DIS3L2: variants seen among roughly 807,000 people sequenced by gnomAD.
DIS3L2 encodes the protein DIS3-like exonuclease 2.
In DIS3L2, 34 loss-of-function variants were observed where a neutral mutation model predicts 97.5. The ratio of observed to expected loss-of-function variants is 0.35; its 90% CI spans 0.27 to 0.46. The LOEUF is 0.46. DIS3L2 is among the 20% of genes least tolerant of loss of function. The probability of loss-of-function intolerance (pLI) is 1.00; values close to 1 mark genes in which losing one functional copy is unlikely to be tolerated. For missense variants in DIS3L2, 1,038 were observed against 1,146.0 expected, an observed-to-expected ratio of 0.91 and a Z score of 1.36; for synonymous variants, 435 against 445.2, an observed-to-expected ratio of 0.98 and a Z score of 0.29.
Position 232,163,511 on chromosome 2 carries a change from G to A in DIS3L2, c.1003G>A (p.Gly335Arg), listed in dbSNP as rs1690715577. 1.2e-6 allele frequency: 2 copies of A among 1,614,124 alleles called. No individual in the cohort carries two copies. The highest frequency in any genetic ancestry group is 1.7e-6 in the Non-Finnish European group (2 of 1,179,996). Residue 335 changes from glycine (G) to arginine (R), a missense_variant, in exon 9 of 21, where the codon GGA (glycine) becomes AGA (arginine). Gly to Arg is a moderately radical substitution (Grantham distance 125, BLOSUM62 -2). This residue lies in a region of DIS3L2 where 813 missense variants were observed against 880.1 expected (regional missense o/e 0.92). Transcript: ENST00000325385. ...QAGEIEPETE[G>R]ILTEYGVDFS... ...TGGTGAAATTGAGCCTGAAACAGAA[G>A]GAATACTAACAGAGTATGGCGTGGA...
At chr2:232,176,732 G>T (rs952536876) in intron 9 of DIS3L2, among the ~76,000 whole-genome samples, 1 of 149,234 alleles carries the variant, frequency 6.7e-6, no homozygotes, top group Non-Finnish European at 1.5e-5. Flanking sequence ...GGGACCACAG[G>T]CATGTGCCAC....
At chr2:232,308,818 G>A (rs1695048978) in intron 14 of DIS3L2, among the ~76,000 whole-genome samples, 1 of 152,144 alleles carries the variant, frequency 6.6e-6, no homozygotes, top group Non-Finnish European at 1.5e-5. Flanking sequence ...GCATCCCCCG[G>A]GGTCTCAGAA....
At chr2:232,018,518 G>A (rs1280889198) in intron 3 of DIS3L2, among the ~76,000 whole-genome samples, 1 of 152,204 alleles carries the variant, frequency 6.6e-6, no homozygotes, top group Non-Finnish European at 1.5e-5. Flanking sequence ...AACTTTATGT[G>A]TGCAAGCCTT....
chr2:232,149,216 T>A (rs34675655), intron 8 of DIS3L2, among the ~76,000 whole-genome samples: 1 of 147,634 alleles, frequency 6.8e-6, no homozygotes, highest in Non-Finnish European at 1.5e-5. Flanking sequence ...TTTTATTATA[T>A]TCTAAGTTTT....
chr2:232,221,101 CAAAAAA>C (rs373784144), intron 10 of DIS3L2, among the ~76,000 whole-genome samples: 2 of 97,602 alleles, frequency 2.0e-5, no homozygotes, highest in Admixed American at 1.2e-4. Flanking sequence ...GACTTCATCT[CAAAAAA>C]AAAAAAAAAA....
chr2:232,044,715 T>C (rs1695193014), intron 5 of DIS3L2, among the ~76,000 whole-genome samples: 1 of 152,126 alleles, frequency 6.6e-6, no homozygotes, highest in African/African-American at 2.4e-5. Context: ...AGAAGACCTC[T>C]GAGGATAGAG....
Position 232,336,498 on chromosome 2 carries a change from G to A in DIS3L2, c.2526G>A (p.Val842=), listed in dbSNP as rs1453769990. The A allele has an allele frequency of 4.3e-6, 7 of 1,611,282 alleles. No homozygotes were observed. Among genetic ancestry groups the A allele is most frequent in the African/African-American group, 2.7e-5 (2 of 74,928 alleles). ...QVITIFSLVE[V]VLQAESTALK... ...TCACCATCTTCAGCCTGGTGGAGGT[G>A]GTCCTGCAGGCAGAGTCCACAGCCC... The change falls in exon 21 of 21, where the codon GTG becomes GTA. Residue 842 remains valine, a synonymous_variant. Transcript: ENST00000325385.
rs553818427 is a variant in DIS3L2 at position 232,079,556 on chromosome 2, C to T, written c.367-7931C>T. Reference sequence around the variant, plus strand: ...CGGAGCTTGCAGTGAGCCGAGATTGCGCCACTGCACTCCAGCCTGGGCGAC... The same window carrying T: ...CGGAGCTTGCAGTGAGCCGAGATTGTGCCACTGCACTCCAGCCTGGGCGAC... On this transcript the variant is annotated intron_variant, in intron 5 of 20. Transcript: ENST00000325385. 2.3e-4 allele frequency among the ~76,000 whole-genome samples: 32 copies of T among 140,010 alleles called. No homozygotes were observed. In the East Asian group the frequency reaches 3.4e-3, roughly 15 times the overall value. 91.9% of individuals were successfully genotyped at this position (140,010 alleles called of 152,430 possible).
Position 232,004,969 on chromosome 2 carries a change from A to G in DIS3L2, c.-93-9866A>G, listed in dbSNP as rs549519234. Among the ~76,000 whole-genome samples the G allele has an allele frequency of 2.0e-5, 3 of 152,044 alleles. No homozygotes were observed. In the South Asian group the frequency reaches 6.2e-4, roughly 31 times the overall value. Reference sequence around the variant, plus strand: ...TTTCAAGTGTCTTTTCCTTTACCTCAGTGAGCGTAGTTATCAGAGCTGATG... The same window carrying G: ...TTTCAAGTGTCTTTTCCTTTACCTCGGTGAGCGTAGTTATCAGAGCTGATG... On this transcript the variant is annotated intron_variant, in intron 1 of 20. Transcript: ENST00000325385.
At chr2:232,130,179 T>TTAAA (rs1385185614) in intron 6 of DIS3L2, among the ~76,000 whole-genome samples, 1 of 152,202 alleles carries the variant, frequency 6.6e-6, no homozygotes, top group African/African-American at 2.4e-5. Context: ...TTTTGTTTGT[T>TTAAA]ATGGCTGGTA....
intron 5 of DIS3L2, among the ~76,000 whole-genome samples, chr2:232,062,280 G>A (rs78017712): frequency 0.026 from 3,922 of 152,208 alleles, 158 homozygotes; most frequent in African/African-American, 0.087. Context: ...CTAGAAGCTC[G>A]AGGCTGGAAT....
intron 6 of DIS3L2, among the ~76,000 whole-genome samples, chr2:232,099,560 T>C (rs1285561817): frequency 6.6e-6 from 1 of 152,174 alleles, no homozygotes; most frequent in African/African-American, 2.4e-5. Flanking sequence ...TTTGATTTTT[T>C]TGTTAATTCA....
Position 232,334,763 on chromosome 2 carries a change from G to A in DIS3L2, c.2394+28G>A, listed in dbSNP as rs116284581. ...GAGTGCCCTGGGAGAGCCCGGGGGC[G>A]GGCAGGGCAGCCCAAGCCATCCCGC... is the stretch of plus-strand genomic sequence containing the variant. On this transcript the variant is annotated intron_variant, in intron 19 of 20. Transcript: ENST00000325385. 8.1e-3 allele frequency: 12,608 copies of A among 1,565,580 alleles called. 86 individuals are homozygous for A. The highest frequency in any genetic ancestry group is 0.019 in the South Asian group (1,658 of 85,372).
chr2:232,094,669 A>G (rs1371900142), intron 6 of DIS3L2, among the ~76,000 whole-genome samples: 1 of 150,206 alleles, frequency 6.7e-6, no homozygotes, highest in African/African-American at 2.5e-5. Flanking sequence ...CAGGGAGCCA[A>G]GACTGCGCCA....
At chr2:232,305,673 G>A (rs1313735281) in intron 14 of DIS3L2, among the ~76,000 whole-genome samples, 2 of 151,992 alleles carry the variant, frequency 1.3e-5, no homozygotes, top group African/African-American at 4.8e-5. Flanking sequence ...GATCATCTTA[G>A]GCTGTGCGCA....
At chr2:232,198,036 A>G (rs1415860660) in intron 9 of DIS3L2, among the ~76,000 whole-genome samples, 1 of 151,764 alleles carries the variant, frequency 6.6e-6, no homozygotes, top group Non-Finnish European at 1.5e-5. Context: ...TCATTGAAAT[A>G]GAACTTGGTC....
chr2:232,337,247 CTG>C, downstream of DIS3L2: 1 of 972,100 alleles, frequency 1.0e-6, no homozygotes, highest in Non-Finnish European at 1.2e-6. Flanking sequence ...ACGAATGTGA[CTG>C]TGTCCAACCC....
intron 16 of DIS3L2, among the ~76,000 whole-genome samples, chr2:232,332,927 G>A (rs1695786357): frequency 2.0e-5 from 3 of 152,084 alleles, no homozygotes; most frequent in Non-Finnish European, 4.4e-5. Flanking sequence ...TATTGCACAG[G>A]GCAGGGGATC....
intron 6 of DIS3L2, among the ~76,000 whole-genome samples, chr2:232,095,474 A>G (rs1696978679): frequency 6.6e-6 from 1 of 152,128 alleles, no homozygotes. Context: ...CTCACTTTTT[A>G]AGTTTCTGTT....
Sources: gnomAD v4.1 joint callset for allele counts (sites outside exome capture counted in the v4.1 genomes callset) on GRCh38, gnomAD v4.1.1 for gene constraint, gnomAD v4.1.1 regional missense constraint, MANE v1.5 for transcripts, NCBI Gene and HGNC (gene_info 2026-07-23, HGNC 2026-07-21) for gene names.